The following CDH11 variants were observed in gnomAD, a reference collection of about 807,000 sequenced individuals.
The protein encoded by CDH11 is cadherin-11.
A neutral mutation model predicts 67.8 loss-of-function variants in CDH11; 11 were observed. That is an observed-to-expected ratio of 0.16 (90% CI 0.10 to 0.27). CDH11 has a LOEUF of 0.27. Among genes scored for constraint, CDH11 ranks in the 10% least tolerant of loss-of-function variants. The pLI, the probability that CDH11 is intolerant of heterozygous loss-of-function variation, is 1.00. For missense variants in CDH11, 847 were observed against 1,031.2 expected (o/e 0.82, Z 2.45); for synonymous variants, 419 against 400.0 (o/e 1.05, Z -0.57).
chr16:65,110,173 T>C (rs1012787472), intron 1 of CDH11, among the ~76,000 whole-genome samples: 2 of 152,168 alleles, frequency 1.3e-5, no homozygotes, highest in African/African-American at 2.4e-5. Context: ...ACCCAGCCTA[T>C]TCAATGTTTA....
chr16:65,014,877 T>C (rs935378183), intron 2 of CDH11, among the ~76,000 whole-genome samples: 14 of 151,698 alleles, frequency 9.2e-5, no homozygotes, highest in Non-Finnish European at 1.8e-4. Context: ...TTTTTTGAGA[T>C]GGAGTTTCGC....
Position 64,982,182 on chromosome 16 carries a change from T to C in CDH11, c.1119A>G (p.Ser373=), listed in dbSNP as rs2072368971. The stretch of plus-strand genomic sequence containing the variant: ...TAGGGGGCTCATCAGCATCTTCTAC[T>C]GAGATCTTGACGGTCACAGTGTCCT... ...PFKDTVTVKI[S]VEDADEPPMF... is the part of the protein sequence containing the mutation. The change falls in exon 8 of 13, where the codon TCA becomes TCG. Residue 373 remains serine (S), a synonymous_variant. Transcript: ENST00000268603. 6.2e-7 allele frequency: 1 copy of C among 1,613,954 alleles called. No homozygotes were observed. Among genetic ancestry groups the C allele is most frequent in the Non-Finnish European group, 8.5e-7 (1 of 1,179,988 alleles).
chr16:65,115,826 G>A (rs2075237212), intron 1 of CDH11, among the ~76,000 whole-genome samples: 1 of 151,586 alleles, frequency 6.6e-6, no homozygotes, highest in African/African-American at 2.4e-5. Context: ...TGTAATCCCA[G>A]CACTTTGGGA....
At chr16:65,019,654 C>T (rs1381258593) in intron 2 of CDH11, among the ~76,000 whole-genome samples, 1 of 152,042 alleles carries the variant, frequency 6.6e-6, no homozygotes, top group African/African-American at 2.4e-5. Context: ...TATTAAGGAG[C>T]ATATTAGTGT....
At chr16:64,948,174 A>G (rs1311475572) in intron 12 of CDH11, 75 bp from the exon 13 acceptor site, 5 of 1,537,894 alleles carry the variant, frequency 3.3e-6, no homozygotes, top group Non-Finnish European at 4.4e-6. Flanking sequence ...AGGAACTCTG[A>G]TTACCATAAA....
intron 6 of CDH11, among the ~76,000 whole-genome samples, chr16:64,989,223 G>C (rs2072568478): frequency 6.6e-6 from 1 of 152,090 alleles, no homozygotes; most frequent in African/African-American, 2.4e-5. Flanking sequence ...ATGATTGTGT[G>C]TGAGGGTGAG....
At chr16:65,012,281 T>C (rs2073199498) in intron 2 of CDH11, among the ~76,000 whole-genome samples, 1 of 152,242 alleles carries the variant, frequency 6.6e-6, no homozygotes, top group African/African-American at 2.4e-5. Context: ...ATTCCCACTT[T>C]GGGCCATGGC....
At position 65,104,123 on chromosome 16, in the gene CDH11, T is replaced by C. The variant is rs146623265; in HGVS notation, c.-298+17757A>G. ...TTTGGTGGAGAAAATTGAGTTCTTA[T>C]TTTCAGAGGTATGCAAATATGATTC... On this transcript the variant is annotated intron_variant, in intron 1 of 12. Transcript: ENST00000268603. 2.6e-5 allele frequency among the ~76,000 whole-genome samples: 4 copies of C among 152,308 alleles called. No homozygotes were observed. The East Asian group carries it at 5.8e-4, about 22-fold the overall frequency.
chr16:65,051,676 G>T (rs529492856), intron 2 of CDH11, among the ~76,000 whole-genome samples: 9 of 152,124 alleles, frequency 5.9e-5, no homozygotes, highest in Non-Finnish European at 1.2e-4. Context: ...GATCACGAGG[G>T]CAGTTTCCTC....
intron 6 of CDH11, chr16:64,991,521 A>G (rs2072627937): frequency 2.3e-6 from 1 of 443,836 alleles, no homozygotes; most frequent in South Asian, 4.4e-5. Context: ...CTTAGCAAAA[A>G]CGATATTTTG....
chr16:64,944,355 T>G lies in CDH11; in HGVS notation c.*3248A>C, dbSNP rs2071159116. The G allele has an allele frequency of 4.3e-6, 1 of 232,490 alleles. No homozygotes were observed. The highest frequency in any genetic ancestry group is 8.5e-6 in the Non-Finnish European group (1 of 117,728). The allele number at this position is 232,490 out of a possible 1,614,324, so 14.4% of individuals were successfully genotyped here. ...GCAGAGAAGTCTTTCCTCTTCTCCA[T>G]CTCCAAATTACTGAATTATTTCAGG... On this transcript the variant is annotated 3_prime_UTR_variant, in exon 13 of 13. Coordinates refer to ENST00000268603, the MANE Select transcript of CDH11 (RefSeq NM_001797.4).
At chr16:65,101,771 C>T (rs977096019) in intron 1 of CDH11, among the ~76,000 whole-genome samples, 1 of 152,148 alleles carries the variant, frequency 6.6e-6, no homozygotes, top group African/African-American at 2.4e-5. Flanking sequence ...TGTTTGCTTT[C>T]TATGGTCCAC....
chr16:65,001,221 AAC>A (rs1391520425), intron 3 of CDH11, among the ~76,000 whole-genome samples: 2 of 152,346 alleles, frequency 1.3e-5, no homozygotes, highest in South Asian at 4.1e-4. Flanking sequence ...GGAAAAAATA[AAC>A]AGACTTTTCT....
intron 1 of CDH11, among the ~76,000 whole-genome samples, chr16:65,057,285 C>A (rs1444693620): frequency 1.3e-5 from 2 of 152,192 alleles, no homozygotes; most frequent in Non-Finnish European, 2.9e-5. Flanking sequence ...GCTGCACCCA[C>A]TTCCTACCTA....
At chr16:64,987,462 T>G (rs1476889098) in intron 7 of CDH11, 1 of 152,218 alleles carries the variant, frequency 6.6e-6, no homozygotes, top group Admixed American at 6.5e-5. Context: ...TACTTCATAC[T>G]TTTGTTTGTT....
At chr16:64,989,363 G>T (rs564595950) in intron 6 of CDH11, among the ~76,000 whole-genome samples, 1 of 152,216 alleles carries the variant, frequency 6.6e-6, no homozygotes, top group African/African-American at 2.4e-5. Context: ...GATTGAACAC[G>T]CATGCTTGTG....
chr16:64,954,736 G>A (rs150241831), intron 11 of CDH11, among the ~76,000 whole-genome samples: 349 of 152,224 alleles, frequency 2.3e-3, no homozygotes, highest in African/African-American at 7.9e-3. Context: ...CCTTCTCTCA[G>A]AAGTGGCATT....
intron 2 of CDH11, among the ~76,000 whole-genome samples, chr16:65,016,491 C>A (rs1231374926): frequency 6.6e-6 from 1 of 152,154 alleles, no homozygotes; most frequent in Non-Finnish European, 1.5e-5. Context: ...GATAATATAG[C>A]TCACTTAATT....
chr16:64,994,062 A>T (rs2072703544), intron 4 of CDH11, among the ~76,000 whole-genome samples: 1 of 152,226 alleles, frequency 6.6e-6, no homozygotes, highest in Non-Finnish European at 1.5e-5. Context: ...CATTTTCAGC[A>T]GAGGGGCAAG....
Sources: allele counts gnomAD v4.1 joint callset (sites outside exome capture counted in the v4.1 genomes callset), GRCh38; gene constraint gnomAD v4.1.1; transcripts MANE v1.5; gene names NCBI Gene and HGNC (gene_info 2026-07-23, HGNC 2026-07-21).